The following B3GNT7 variants were observed in gnomAD, a reference collection of about 807,000 sequenced individuals.
The protein encoded by B3GNT7 is BGnT-7.
B3GNT7 carries 9 observed loss-of-function variants against 5.1 expected under a neutral mutation model. The observed-to-expected ratio is 1.77, with a 90% CI of 1.07 to 3.09. The LOEUF (loss-of-function observed/expected upper bound fraction) is 3.09. Among genes scored for constraint, B3GNT7 ranks in the 30% most tolerant of loss-of-function variants. B3GNT7 has a pLI of 0.00. For missense variants in B3GNT7, 468 were observed against 550.8 expected (o/e 0.85, Z 1.50); for synonymous variants, 253 against 248.6 (o/e 1.02, Z -0.17).
At position 231,398,311 on chromosome 2, in the gene B3GNT7, C is replaced by A. The variant is rs540612597; in HGVS notation, c.592C>A (p.Arg198Ser). ...CCAGCAGCTGCTGGCCTACGAAGACCGCCTCTACGGCGACATCCTGCAGTG... is the reference window on the plus strand; with the variant it reads ...CCAGCAGCTGCTGGCCTACGAAGACAGCCTCTACGGCGACATCCTGCAGTG... Reference protein sequence around the residue: ...HYQQLLAYEDRLYGDILQWGF... With the variant: ...HYQQLLAYEDSLYGDILQWGF... Residue 198 changes from arginine to serine, a missense_variant, in exon 2 of 2, where the codon CGC becomes AGC. Coordinates refer to ENST00000287590, the MANE Select transcript of B3GNT7 (RefSeq NM_145236.3). 1 of 1,613,360 alleles carries A rather than the reference C, an allele frequency of 6.2e-7. No individual in the cohort carries two copies. Among genetic ancestry groups the A allele is most frequent in the South Asian group, 1.1e-5 (1 of 91,090 alleles).
rs2125612335 is a variant in B3GNT7 at position 231,395,902 on chromosome 2, A to G, written c.11+88A>G. The stretch of plus-strand genomic sequence containing the variant: ...TCCGTGGCCACAGACGGGCGCCGGG[A>G]CTCCCGGGATAGGAGATGCCCCCGC... On this transcript the variant is annotated intron_variant, in intron 1 of 1. Coordinates refer to ENST00000287590, the MANE Select transcript of B3GNT7 (RefSeq NM_145236.3). This position sits in a 1 kb window ranked among gnomAD's most constrained non-coding sequence, Gnocchi z 7.3. 1.1e-6 allele frequency: 1 copy of G among 949,444 alleles called. No homozygotes were observed. The highest frequency in any genetic ancestry group is 4.9e-5 in the Admixed American group (1 of 20,372). The allele number at this position is 949,444 out of a possible 1,614,324, so 58.8% of individuals were successfully genotyped here.
At position 231,400,113 on chromosome 2, in the gene B3GNT7, T is replaced by C. The variant is rs2046551201; in HGVS notation, c.*1188T>C. 1 of 145,930 alleles carries C rather than the reference T, an allele frequency of 6.9e-6. No individual in the cohort carries two copies. Among genetic ancestry groups the C allele is most frequent in the African/African-American group, 2.6e-5 (1 of 38,388 alleles). 9.0% of individuals were successfully genotyped at this position (145,930 alleles called of 1,614,324 possible). A position where few individuals can be genotyped will look rare whatever the true frequency, so the allele number is the denominator to read the frequency against. On this transcript the variant is annotated 3_prime_UTR_variant, in exon 2 of 2. Coordinates refer to ENST00000287590, the MANE Select transcript of B3GNT7 (RefSeq NM_145236.3). The stretch of plus-strand genomic sequence containing the variant: ...AATGGGACTTTTTTTTTTTTTTTTT[T>C]TTTTTTTTGGTGTGAAACTTCCTGT...
rs199641918 is a variant in B3GNT7, at chr2:231,397,934, C to G, written c.215C>G (p.Thr72Arg). 3 of 1,613,172 alleles carry G rather than the reference C, an allele frequency of 1.9e-6. No individual in the cohort carries two copies. In the African/African-American group the frequency reaches 4.0e-5, roughly 22 times the overall value. ...AACCCGAAAGATGTGGCTGCGCCCA[C>G]GCCCATGGCCTCTCAGGGGCCCCAG... The part of the protein sequence containing the change: ...WKNPKDVAAP[T>R]PMASQGPQAW... The change falls in exon 2 of 2, where the codon ACG becomes AGG. Residue 72 changes from threonine to arginine, a missense_variant. Transcript: ENST00000287590.
chr2:231,395,848 C>G lies in B3GNT7; in HGVS notation c.11+34C>G. 1.2e-5 allele frequency: 13 copies of G among 1,118,282 alleles called. No homozygotes were observed. Among genetic ancestry groups the G allele is most frequent in the African/African-American group, 1.7e-5 (1 of 60,408 alleles). The allele number at this position is 1,118,282 out of a possible 1,614,324, so 69.3% of individuals were successfully genotyped here. A position where few individuals can be genotyped will look rare whatever the true frequency, so the allele number is the denominator to read the frequency against. On this transcript the variant is annotated intron_variant, in intron 1 of 1. Transcript: ENST00000287590. This position sits in a 1 kb window ranked among gnomAD's most constrained non-coding sequence, Gnocchi z 7.3. Reference sequence around the variant, plus strand: ...GGCTGGGGGCCGTCGGGGGCCTGGGCGGGGGCGTGGGCCCGGGGCTCCCCC... The same window carrying G: ...GGCTGGGGGCCGTCGGGGGCCTGGGGGGGGGCGTGGGCCCGGGGCTCCCCC...
chr2:231,396,663 A>G (rs958219486), intron 1 of B3GNT7, among the ~76,000 whole-genome samples: 3 of 152,060 alleles, frequency 2.0e-5, no homozygotes, highest in African/African-American at 7.2e-5. Context: ...GGTCAGCGCC[A>G]TCTCTCTGCT....
intron 1 of B3GNT7, 143 bp from the exon 2 acceptor site, chr2:231,397,588 C>G (rs2046525671): frequency 2.6e-6 from 2 of 772,786 alleles, no homozygotes; most frequent in Non-Finnish European, 2.0e-6. Context: ...GGACCCTACC[C>G]TGACAGCTTA....
rs2046528642 is a variant in B3GNT7, at chr2:231,397,909, A to G, written c.190A>G (p.Asn64Asp). 3.7e-6 allele frequency: 6 copies of G among 1,613,740 alleles called. No individual in the cohort carries two copies. The highest frequency in any genetic ancestry group is 4.2e-6 in the Non-Finnish European group (5 of 1,179,870). ...QLVNPNNFWKNPKDVAAPTPM... is the reference protein window; with the variant it reads ...QLVNPNNFWKDPKDVAAPTPM... ...GGTGAACCCCAACAACTTCTGGAAG[A>G]ACCCGAAAGATGTGGCTGCGCCCAC... is the stretch of plus-strand genomic sequence containing the variant. The change falls in exon 2 of 2, where the codon AAC becomes GAC. Residue 64 changes from asparagine (N) to aspartate (D), a missense_variant. Transcript: ENST00000287590.
In B3GNT7 at chr2:231,398,593, G is replaced by A. The variant is rs1228761613; in HGVS notation, c.874G>A (p.Ala292Thr). The A allele has an allele frequency of 1.2e-6, 2 of 1,612,820 alleles. No homozygotes were observed. The highest frequency in any genetic ancestry group is 1.7e-6 in the Non-Finnish European group (2 of 1,179,638). ...CATCCCGGGGGCCCTGTACGGCAAG[G>A]CCAGCTATCCGCCGTATGCAGGCGG... is the stretch of plus-strand genomic sequence containing the variant. ...YYIPGALYGK[A>T]SYPPYAGGGG... The change falls in exon 2 of 2, where the codon GCC becomes ACC. Residue 292 changes from alanine (A) to threonine (T), a missense_variant. Ala to Thr is a moderately conservative substitution (Grantham distance 58). Transcript: ENST00000287590.
chr2:231,396,534 T>A (rs886848780), intron 1 of B3GNT7, among the ~76,000 whole-genome samples: 2 of 152,200 alleles, frequency 1.3e-5, no homozygotes, highest in Non-Finnish European at 2.9e-5. Flanking sequence ...TGTCGCTCTA[T>A]GGGGCTCAGC....
intron 1 of B3GNT7, chr2:231,397,111 G>A (rs145697569): frequency 4.9e-6 from 4 of 824,516 alleles, no homozygotes; most frequent in East Asian, 1.2e-4. Context: ...GAGACAGACT[G>A]GAGAAGGGGG....
chr2:231,396,020 C>A (rs1488082732), intron 1 of B3GNT7, among the ~76,000 whole-genome samples: 1 of 151,876 alleles, frequency 6.6e-6, no homozygotes, highest in African/African-American at 2.4e-5. Context: ...GGCCCCGGAC[C>A]CGTGGGGGAC....
chr2:231,397,105 C>G, intron 1 of B3GNT7: 1 of 781,348 alleles, frequency 1.3e-6, no homozygotes, highest in Non-Finnish European at 1.6e-6. Context: ...TTGGGTGAGA[C>G]AGACTGGAGA....
At chr2:231,396,538 GC>G (rs2046516028) in intron 1 of B3GNT7, among the ~76,000 whole-genome samples, 1 of 152,206 alleles carries the variant, frequency 6.6e-6, no homozygotes, top group African/African-American at 2.4e-5. Context: ...GCTCTATGGG[GC>G]TCAGCCTGCA....
chr2:231,397,928 C>T lies in B3GNT7; in HGVS notation c.209C>T (p.Ala70Val), dbSNP rs375999431. ...NFWKNPKDVAAPTPMASQGPQ... is the reference protein window; with the variant it reads ...NFWKNPKDVAVPTPMASQGPQ... ...TGGAAGAACCCGAAAGATGTGGCTG[C>T]GCCCACGCCCATGGCCTCTCAGGGG... The change falls in exon 2 of 2, where the codon GCG (alanine) becomes GTG (valine). Residue 70 changes from alanine (A) to valine (V), a missense_variant. Transcript: ENST00000287590. 1.4e-5 allele frequency: 23 copies of T among 1,612,950 alleles called. No individual in the cohort carries two copies. The highest frequency in any genetic ancestry group is 1.9e-5 in the Non-Finnish European group (22 of 1,179,862).
intron 1 of B3GNT7, among the ~76,000 whole-genome samples, chr2:231,396,906 T>G (rs1011064988): frequency 4.6e-5 from 7 of 152,040 alleles, no homozygotes; most frequent in Non-Finnish European, 8.8e-5. Flanking sequence ...GGGGGGTCTC[T>G]GGGCAAGAAG....
chr2:231,396,899 G>A (rs1039237507), intron 1 of B3GNT7, among the ~76,000 whole-genome samples: 7 of 152,174 alleles, frequency 4.6e-5, no homozygotes, highest in Non-Finnish European at 5.9e-5. Flanking sequence ...TGGGGTGGGG[G>A]GGTCTCTGGG....
rs761634187 is a variant in B3GNT7, at chr2:231,398,276, G to T, written c.557G>T (p.Arg186Leu). 3 of 1,612,802 alleles carry T rather than the reference G, an allele frequency of 1.9e-6. No individual in the cohort carries two copies. The highest frequency in any genetic ancestry group is 1.3e-5 in the African/African-American group (1 of 74,942). Residue 186 changes from arginine (R) to leucine (L), a missense_variant, in exon 2 of 2, where the codon CGC (arginine) becomes CTC (leucine). Coordinates refer to ENST00000287590, the MANE Select transcript of B3GNT7 (RefSeq NM_145236.3). ...LLGTASKQEERTHYQQLLAYE... is the reference protein window; with the variant it reads ...LLGTASKQEELTHYQQLLAYE... ...GGCACGGCCTCCAAGCAGGAGGAGCGCACGCACTACCAGCAGCTGCTGGCC... is the reference window on the plus strand; with the variant it reads ...GGCACGGCCTCCAAGCAGGAGGAGCTCACGCACTACCAGCAGCTGCTGGCC...
In B3GNT7 at chr2:231,400,896, A is replaced by G. The variant is rs982638729; in HGVS notation, c.*1971A>G. 2.0e-5 allele frequency: 3 copies of G among 152,228 alleles called. No homozygotes were observed. Among genetic ancestry groups the G allele is most frequent in the African/African-American group, 7.2e-5 (3 of 41,448 alleles). The allele number at this position is 152,228 out of a possible 1,614,324, so 9.4% of individuals were successfully genotyped here. On this transcript the variant is annotated 3_prime_UTR_variant, in exon 2 of 2. Coordinates refer to ENST00000287590, the MANE Select transcript of B3GNT7 (RefSeq NM_145236.3). ...CCCTGGTGGTTAAAATGATAATAAT[A>G]TTAACCCCTGACCAAAACGACTGGT...
chr2:231,399,215 C>T lies in B3GNT7; in HGVS notation c.*290C>T. ...CAGCCCTCCTGACCTGGGTCCGTTG[C>T]TGGCCCCCTCAGATGTGGTGGGAGG... On this transcript the variant is annotated 3_prime_UTR_variant, in exon 2 of 2. Coordinates refer to ENST00000287590, the MANE Select transcript of B3GNT7 (RefSeq NM_145236.3). 1 of 454,716 alleles carries T rather than the reference C, an allele frequency of 2.2e-6. No individual in the cohort carries two copies. Among genetic ancestry groups the T allele is most frequent in the Non-Finnish European group, 4.0e-6 (1 of 252,096 alleles). The allele number at this position is 454,716 out of a possible 1,614,324, so 28.2% of individuals were successfully genotyped here.
Sources: gnomAD v4.1 joint callset for allele counts (sites outside exome capture counted in the v4.1 genomes callset) on GRCh38, gnomAD v4.1.1 for gene constraint, Gnocchi (gnomAD v3.1) non-coding constraint, MANE v1.5 for transcripts, NCBI Gene and HGNC (gene_info 2026-07-23, HGNC 2026-07-21) for gene names.